The following ZNF324 variants were observed in gnomAD, a reference collection of about 807,000 sequenced individuals.
The protein encoded by ZNF324 is zinc finger protein 324.
ZNF324 carries 3 observed loss-of-function variants against 10.3 expected under a neutral mutation model. The ratio of observed to expected loss-of-function variants is 0.29; its 90% CI spans 0.13 to 0.75. ZNF324 has a LOEUF of 0.75. Among genes scored for constraint, ZNF324 ranks in the 30% least tolerant of loss-of-function variants. The pLI is 0.69. For synonymous variants in ZNF324, 430 were observed against 339.5 expected (o/e 1.27, Z -2.93); for missense variants, 763 against 784.4 (o/e 0.97, Z 0.33).
In ZNF324 at chr19:58,475,239, G is replaced by T. The variant is rs1161935125; in HGVS notation, c.*3085G>T. ...CAGAGCAGGCAGCAGGGATTCCCAG[G>T]TATCCAAAGAAACCAAAACAGGCGG... On this transcript the variant is annotated 3_prime_UTR_variant, in exon 4 of 4. Transcript: ENST00000196482. 1.3e-5 allele frequency: 2 copies of T among 152,156 alleles called. 1 individual carries two copies. The highest frequency in any genetic ancestry group is 4.1e-4 in the South Asian group (2 of 4,832). 9.4% of individuals were successfully genotyped at this position (152,156 alleles called of 1,614,324 possible).
In ZNF324 at chr19:58,475,355, T is replaced by G. The variant is rs1389472627; in HGVS notation, c.*3201T>G. 6.6e-6 allele frequency: 1 copy of G among 152,216 alleles called. No individual in the cohort carries two copies. The highest frequency in any genetic ancestry group is 2.4e-5 in the African/African-American group (1 of 41,436). 9.4% of individuals were successfully genotyped at this position (152,216 alleles called of 1,614,324 possible). On this transcript the variant is annotated 3_prime_UTR_variant, in exon 4 of 4. Coordinates refer to ENST00000196482, the MANE Select transcript of ZNF324 (RefSeq NM_014347.3). Reference sequence around the variant, plus strand: ...CAGATTTAGAAAACTGTAACACTGCTTATTGGGAGAAACTAGTGTCACCCT... The same window carrying G: ...CAGATTTAGAAAACTGTAACACTGCGTATTGGGAGAAACTAGTGTCACCCT...
At chr19:58,468,140 A>G in intron 1 of ZNF324, 1 of 958,276 alleles carries the variant, frequency 1.0e-6, no homozygotes. Flanking sequence ...AATTGAAAGG[A>G]AAGCAGGTTT....
In ZNF324 at chr19:58,469,227, G is replaced by A. The variant is rs2053006858; in HGVS notation, c.42G>A (p.Glu14=). ...EDVAVYFSQE[E]WGLLDTAQRA... ...TGGCTGTGTACTTCTCCCAGGAGGA[G>A]TGGGGGCTCCTGGACACAGCCCAGA... The change falls in exon 2 of 4, where the codon GAG becomes GAA. Residue 14 remains glutamate (E), a synonymous_variant. Coordinates refer to ENST00000196482, the MANE Select transcript of ZNF324 (RefSeq NM_014347.3). 1 of 1,614,200 alleles carries A rather than the reference G, an allele frequency of 6.2e-7. No homozygotes were observed.
chr19:58,470,989 T>C lies in ZNF324; in HGVS notation c.497T>C (p.Leu166Pro). Residue 166 changes from leucine to proline, a missense_variant, in exon 4 of 4, where the codon CTT becomes CCT. This residue lies in a region of ZNF324 where 379 missense variants were observed against 319.4 expected (regional missense o/e 1.19). Coordinates refer to ENST00000196482, the MANE Select transcript of ZNF324 (RefSeq NM_014347.3). ...ASVSLRLTSP[L>P]RPPEGVRLRE... ...GTCAGCCTGCGACTGACCTCCCCGC[T>C]TAGGCCTCCCGAGGGCGTCCGGCTT... 1 of 1,614,168 alleles carries C rather than the reference T, an allele frequency of 6.2e-7. No homozygotes were observed. The highest frequency in any genetic ancestry group is 8.5e-7 in the Non-Finnish European group (1 of 1,180,024).
chr19:58,471,455 C>A lies in ZNF324; in HGVS notation c.963C>A (p.Ala321=), dbSNP rs1167286606. 1 of 1,602,582 alleles carries A rather than the reference C, an allele frequency of 6.2e-7. No homozygotes were observed. Among genetic ancestry groups the A allele is most frequent in the African/African-American group, 1.3e-5 (1 of 74,634 alleles). The change falls in exon 4 of 4, where the codon GCC becomes GCA. Residue 321 remains alanine (A), a synonymous_variant. Transcript: ENST00000196482. ...TPYACPVCGK[A]FRHSSSLVRH... Reference sequence around the variant, plus strand: ...ACGCGTGCCCCGTGTGCGGCAAGGCCTTCCGGCATAGCTCCTCGCTGGTGC... The same window carrying A: ...ACGCGTGCCCCGTGTGCGGCAAGGCATTCCGGCATAGCTCCTCGCTGGTGC...
chr19:58,472,004 C>A lies in ZNF324; in HGVS notation c.1512C>A (p.Thr504=). ...PALFHHQRIH[T]GEKTVRRSRA... Reference sequence around the variant, plus strand: ...TCTTCCACCACCAGAGGATCCATACCGGCGAGAAGACCGTCCGGCGATCCA... The same window carrying A: ...TCTTCCACCACCAGAGGATCCATACAGGCGAGAAGACCGTCCGGCGATCCA... The change falls in exon 4 of 4, where the codon ACC becomes ACA. Residue 504 remains threonine (T), a synonymous_variant. Transcript: ENST00000196482. 1.9e-6 allele frequency: 3 copies of A among 1,608,256 alleles called. No individual in the cohort carries two copies. The highest frequency in any genetic ancestry group is 2.5e-6 in the Non-Finnish European group (3 of 1,179,700).
chr19:58,468,530 C>G (rs1004792712), intron 1 of ZNF324, among the ~76,000 whole-genome samples: 1 of 152,104 alleles, frequency 6.6e-6, no homozygotes, highest in Non-Finnish European at 1.5e-5. Flanking sequence ...GTCAGGCAAG[C>G]AGGCTCAGCA....
At chr19:58,469,018 T>C (rs992929181) in intron 1 of ZNF324, among the ~76,000 whole-genome samples, 162 bp from the exon 2 acceptor site, 2 of 152,056 alleles carry the variant, frequency 1.3e-5, no homozygotes, top group African/African-American at 4.8e-5. Context: ...ACATGAGATG[T>C]TTATGCAATT....
intron 2 of ZNF324, 78 bp downstream of exon 2, chr19:58,469,384 T>G (rs1568610785): frequency 8.3e-6 from 13 of 1,562,814 alleles, no homozygotes; most frequent in Non-Finnish European, 1.1e-5. Flanking sequence ...ACCTCCCTGG[T>G]GGCTGACGAG....
chr19:58,471,867 G>T lies in ZNF324; in HGVS notation c.1375G>T (p.Gly459Cys). ...GERPFRCVDC[G>C]KAFAKGAVLL... ...GCGGCCCTTCCGCTGCGTGGACTGTGGCAAGGCCTTCGCCAAGGGCGCCGT... is the reference window on the plus strand; with the variant it reads ...GCGGCCCTTCCGCTGCGTGGACTGTTGCAAGGCCTTCGCCAAGGGCGCCGT... The change falls in exon 4 of 4, where the codon GGC becomes TGC. Residue 459 changes from glycine to cysteine, a missense_variant. By Grantham distance (159) the Gly-to-Cys change is radical (BLOSUM62 -3). This residue lies in a region of ZNF324 where 231 missense variants were observed against 196.0 expected (regional missense o/e 1.18). Transcript: ENST00000196482. 1 of 1,612,444 alleles carries T rather than the reference G, an allele frequency of 6.2e-7. No homozygotes were observed. Among genetic ancestry groups the T allele is most frequent in the African/African-American group, 1.3e-5 (1 of 75,046 alleles).
rs1338306298 is a variant in ZNF324 at position 58,473,741 on chromosome 19, C to T, written c.*1587C>T. On this transcript the variant is annotated 3_prime_UTR_variant, in exon 4 of 4. Transcript: ENST00000196482. Reference sequence around the variant, plus strand: ...AGAGGCCACAGAGTAGAGATACAGCCTGTCTGCAGCCCAGGGAGGGAGTGG... The same window carrying T: ...AGAGGCCACAGAGTAGAGATACAGCTTGTCTGCAGCCCAGGGAGGGAGTGG... The T allele has an allele frequency of 6.6e-6, 1 of 152,224 alleles. No homozygotes were observed. The highest frequency in any genetic ancestry group is 1.5e-5 in the Non-Finnish European group (1 of 68,074). The allele number at this position is 152,224 out of a possible 1,614,324, so 9.4% of individuals were successfully genotyped here.
At position 58,469,151 on chromosome 19, in the gene ZNF324, T is replaced by C. The variant is rs752974492; in HGVS notation, c.-6-29T>C. The C allele has an allele frequency of 2.5e-6, 4 of 1,613,912 alleles. No individual in the cohort carries two copies. In the African/African-American group the frequency reaches 5.3e-5, roughly 22 times the overall value. On this transcript the variant is annotated intron_variant, in intron 1 of 3. Transcript: ENST00000196482. ...GATTGGATAACCCAGCCTTAGACCA[T>C]GGCTGTCTCTTCCTCCCTGCTCTTT...
At position 58,471,194 on chromosome 19, in the gene ZNF324, C is replaced by G; in HGVS notation, c.702C>G (p.Leu234=). 1 of 1,613,404 alleles carries G rather than the reference C, an allele frequency of 6.2e-7. No individual in the cohort carries two copies. Among genetic ancestry groups the G allele is most frequent in the Non-Finnish European group, 8.5e-7 (1 of 1,179,850 alleles). Residue 234 remains leucine, a synonymous_variant, in exon 4 of 4, where the codon CTC becomes CTG. Coordinates refer to ENST00000196482, the MANE Select transcript of ZNF324 (RefSeq NM_014347.3). ...MGAVWQEPHR[L]LGGQEPSTWD... ...CAGTTTGGCAGGAGCCTCATAGACT[C>G]CTCGGTGGCCAGGAGCCCTCGACCT... is the stretch of plus-strand genomic sequence containing the variant.
At chr19:58,470,582 C>A in intron 3 of ZNF324, 149 bp from the exon 4 acceptor site, 1 of 951,000 alleles carries the variant, frequency 1.1e-6, no homozygotes, top group Non-Finnish European at 1.7e-6. Context: ...CCTCCAAACC[C>A]CAGCCCCTCC....
Position 58,470,864 on chromosome 19 carries a change from A to T in ZNF324, c.372A>T (p.Arg124Ser). The T allele has an allele frequency of 6.2e-7, 1 of 1,614,132 alleles. No homozygotes were observed. Among genetic ancestry groups the T allele is most frequent in the Non-Finnish European group, 8.5e-7 (1 of 1,180,022 alleles). ...GCCACAGTGTAAAAAGCCTGCAGAGACAACGGGGTGCCTCCCCATCTCGGG... is the reference window on the plus strand; with the variant it reads ...GCCACAGTGTAAAAAGCCTGCAGAGTCAACGGGGTGCCTCCCCATCTCGGG... ...GACHSVKSLQ[R>S]QRGASPSRER... The change falls in exon 4 of 4, where the codon AGA becomes AGT. Residue 124 changes from arginine (R) to serine (S), a missense_variant. By Grantham distance (110) the Arg-to-Ser change is moderately radical (BLOSUM62 -1). Transcript: ENST00000196482.
At chr19:58,470,579 A>T (rs1399456871) in intron 3 of ZNF324, 152 bp from the exon 4 acceptor site, 1 of 926,248 alleles carries the variant, frequency 1.1e-6, no homozygotes, top group Non-Finnish European at 1.7e-6. Context: ...GTTCCTCCAA[A>T]CCCCAGCCCC....
chr19:58,471,013 T>G lies in ZNF324; in HGVS notation c.521T>G (p.Leu174Arg). 4 of 1,614,108 alleles carry G rather than the reference T, an allele frequency of 2.5e-6. No homozygotes were observed. Among genetic ancestry groups the G allele is most frequent in the Non-Finnish European group, 3.4e-6 (4 of 1,180,026 alleles). ...CTTAGGCCTCCCGAGGGCGTCCGGCTTAGAGAAAAGACACTCACAGAGCAT... is the reference window on the plus strand; with the variant it reads ...CTTAGGCCTCCCGAGGGCGTCCGGCGTAGAGAAAAGACACTCACAGAGCAT... ...SPLRPPEGVR[L>R]REKTLTEHAL... is the part of the protein sequence containing the mutation. Residue 174 changes from leucine to arginine, a missense_variant, in exon 4 of 4, where the codon CTT becomes CGT. Physicochemically the swap from Leu to Arg is moderately radical, Grantham distance 102. Transcript: ENST00000196482.
chr19:58,469,546 C>T lies in ZNF324; in HGVS notation c.122-182C>T, dbSNP rs564320710. Reference sequence around the variant, plus strand: ...TCCCCTTCCTTTGGTGCCCTGGGCACAGTTGCTGCCCTGGGGATGAATGAG... The same window carrying T: ...TCCCCTTCCTTTGGTGCCCTGGGCATAGTTGCTGCCCTGGGGATGAATGAG... On this transcript the variant is annotated intron_variant, in intron 2 of 3. Coordinates refer to ENST00000196482, the MANE Select transcript of ZNF324 (RefSeq NM_014347.3). Among the ~76,000 whole-genome samples, 4 of 152,368 alleles carry T rather than the reference C, an allele frequency of 2.6e-5. No homozygotes were observed. In the East Asian group the frequency reaches 7.7e-4, roughly 29 times the overall value.
In ZNF324 at chr19:58,473,036, GC is replaced by G. The variant is rs1006923711; in HGVS notation, c.*884del. 110 of 152,790 alleles carry G rather than the reference GC, an allele frequency of 7.2e-4. No individual in the cohort carries two copies. The highest frequency in any genetic ancestry group is 2.6e-3 in the African/African-American group (107 of 41,558). The allele number at this position is 152,790 out of a possible 1,614,324, so 9.5% of individuals were successfully genotyped here. On this transcript the variant is annotated 3_prime_UTR_variant, in exon 4 of 4. Transcript: ENST00000196482. ...AGGTTTTTGCCCAAGTCTCAGCTTG[GC>G]CAAGGCCTGTCACTGACTGGTTTAC...
Sources: gnomAD v4.1 joint callset for allele counts (sites outside exome capture counted in the v4.1 genomes callset) on GRCh38, gnomAD v4.1.1 for gene constraint, gnomAD v4.1.1 regional missense constraint, MANE v1.5 for transcripts, NCBI Gene and HGNC (gene_info 2026-07-23, HGNC 2026-07-21) for gene names.